CCDC62: variants seen among roughly 807,000 people sequenced by gnomAD.
The protein encoded by CCDC62 is coiled-coil domain-containing protein 62.
A neutral mutation model predicts 80.8 loss-of-function variants in CCDC62; 72 were observed. That is an observed-to-expected ratio of 0.89 (90% CI 0.74 to 1.08). The LOEUF (loss-of-function observed/expected upper bound fraction) is 1.08. Ranked by LOEUF, CCDC62 falls within the 50% of genes least tolerant of loss-of-function variation. The pLI, the probability that CCDC62 is intolerant of heterozygous loss-of-function variation, is 0.00. For missense variants in CCDC62, 704 were observed against 809.4 expected (o/e 0.87, Z 1.58); for synonymous variants, 286 against 296.5 (o/e 0.96, Z 0.36).
At chr12:122,806,047 C>CA in intron 9 of CCDC62, 104 bp from the exon 10 acceptor site, 8 of 1,081,048 alleles carry the variant, frequency 7.4e-6, no homozygotes, top group Non-Finnish European at 1.0e-5. Context: ...GCTTCAATAA[C>CA]AAAAACACTT....
chr12:122,783,227 C>CTT (rs757436171), intron 3 of CCDC62, among the ~76,000 whole-genome samples: 4 of 140,476 alleles, frequency 2.8e-5, no homozygotes, highest in South Asian at 2.3e-4. Context: ...ATCCTTCATT[C>CTT]TTTTTTTTTT....
intron 8 of CCDC62, among the ~76,000 whole-genome samples, chr12:122,798,476 G>A (rs990233902): frequency 6.6e-6 from 1 of 152,096 alleles, no homozygotes; most frequent in Non-Finnish European, 1.5e-5. Flanking sequence ...AGTGGCTCAT[G>A]CCTGTAGTCC....
chr12:122,825,599 G>A (rs1344101263), intron 12 of CCDC62, among the ~76,000 whole-genome samples: 2 of 143,860 alleles, frequency 1.4e-5, no homozygotes, highest in African/African-American at 5.1e-5. Flanking sequence ...TAAGTGATCC[G>A]CCCGCCTCGG....
At chr12:122,789,027 T>A (rs1243957032) in intron 5 of CCDC62, 98 bp downstream of exon 5, 11 of 911,882 alleles carry the variant, frequency 1.2e-5, no homozygotes, top group Non-Finnish European at 1.6e-5. Context: ...AGTAGATCAA[T>A]TCCTGGCCTT....
intron 2 of CCDC62, among the ~76,000 whole-genome samples, chr12:122,778,128 G>A (rs186681723): frequency 1.7e-4 from 26 of 151,880 alleles, no homozygotes; most frequent in Admixed American, 5.9e-4. Flanking sequence ...GCACTTTGGC[G>A]GATCACTTGA....
At chr12:122,781,043 T>C (rs1422906901) in intron 2 of CCDC62, 121 bp from the exon 3 acceptor site, 7 of 717,772 alleles carry the variant, frequency 9.8e-6, no homozygotes, top group Non-Finnish European at 1.6e-5. Context: ...TAAAAGGTTT[T>C]AAAAGAAGAT....
At chr12:122,809,432 G>C (rs2031771487) in intron 10 of CCDC62, among the ~76,000 whole-genome samples, 1 of 152,160 alleles carries the variant, frequency 6.6e-6, no homozygotes, top group Non-Finnish European at 1.5e-5. Context: ...GGAGGCTGCA[G>C]CAAGCTGAGA....
intron 6 of CCDC62, among the ~76,000 whole-genome samples, chr12:122,793,195 G>A (rs545727503): frequency 1.6e-4 from 25 of 152,250 alleles, no homozygotes; most frequent in Admixed American, 3.9e-4. Flanking sequence ...TACTGAAAGC[G>A]AAAAACAGAA....
chr12:122,784,299 G>A (rs764380767), intron 3 of CCDC62, among the ~76,000 whole-genome samples: 2 of 152,164 alleles, frequency 1.3e-5, no homozygotes, highest in Non-Finnish European at 2.9e-5. Flanking sequence ...AAGGCGGGTG[G>A]ATCACGAGGT....
intron 9 of CCDC62, among the ~76,000 whole-genome samples, chr12:122,802,401 A>G (rs960517074): frequency 2.0e-5 from 3 of 147,248 alleles, no homozygotes; most frequent in Non-Finnish European, 3.0e-5. Context: ...ACGAGACCCT[A>G]TCTCTACACT....
In CCDC62 at chr12:122,801,764, C is replaced by A. The variant is rs1303173416; in HGVS notation, c.1618C>A (p.Pro540Thr). 2 of 1,614,156 alleles carry A rather than the reference C, an allele frequency of 1.2e-6. No individual in the cohort carries two copies. Among genetic ancestry groups the A allele is most frequent in the Non-Finnish European group, 1.7e-6 (2 of 1,180,024 alleles). ...CGTGGAGTGGATGAGTATTTTCAAG[C>A]CTTCCAAAATGCAGAGAATTGTCCG... is the stretch of plus-strand genomic sequence containing the variant. ...SDVEWMSIFK[P>T]SKMQRIVRLK... is the part of the protein sequence containing the mutation. The change falls in exon 9 of 13, where the codon CCT (proline) becomes ACT (threonine). Residue 540 changes from proline (P) to threonine (T), a missense_variant. Coordinates refer to ENST00000253079, the MANE Select transcript of CCDC62 (RefSeq NM_201435.5).
chr12:122,826,736 A>G lies in CCDC62; in HGVS notation c.*355A>G, dbSNP rs2032646316. On this transcript the variant is annotated 3_prime_UTR_variant, in exon 13 of 13. Coordinates refer to ENST00000253079, the MANE Select transcript of CCDC62 (RefSeq NM_201435.5). ...GCTAGAGAAGCTCTTTAAAAATGTG[A>G]ATGTCAAATAGAGAAAGAACCCTGC... The G allele has an allele frequency of 3.9e-6, 1 of 255,614 alleles. No individual in the cohort carries two copies. Among genetic ancestry groups the G allele is most frequent in the African/African-American group, 3.9e-5 (1 of 25,948 alleles). 15.8% of individuals were successfully genotyped at this position (255,614 alleles called of 1,614,324 possible).
At chr12:122,798,642 G>A (rs747300652) in intron 8 of CCDC62, among the ~76,000 whole-genome samples, 8 of 151,460 alleles carry the variant, frequency 5.3e-5, no homozygotes, top group South Asian at 2.1e-4. Flanking sequence ...TTAGCTGGGC[G>A]TGTTCGCGGG....
Position 122,801,684 on chromosome 12 carries a change from C to G in CCDC62, c.1538C>G (p.Ser513Cys). The G allele has an allele frequency of 6.2e-7, 1 of 1,614,166 alleles. No individual in the cohort carries two copies. The highest frequency in any genetic ancestry group is 8.5e-7 in the Non-Finnish European group (1 of 1,180,034). The change falls in exon 9 of 13, where the codon TCC (serine) becomes TGC (cysteine). Residue 513 changes from serine (S) to cysteine (C), a missense_variant. Physicochemically the swap from Ser to Cys is moderately radical, Grantham distance 112. Coordinates refer to ENST00000253079, the MANE Select transcript of CCDC62 (RefSeq NM_201435.5). ...CTGGGCGAAAGTGGCATGTGTGACT[C>G]CAAGTGCTGCCACCCGAGTAACTTC... ...ACLGESGMCD[S>C]KCCHPSNFII...
chr12:122,797,253 G>A (rs1348972607), intron 6 of CCDC62, 54 bp from the exon 7 acceptor site: 1 of 835,362 alleles, frequency 1.2e-6, no homozygotes, highest in Non-Finnish European at 2.1e-6. Context: ...GAAATGGAGA[G>A]GTTTGTGTGG....
intron 10 of CCDC62, among the ~76,000 whole-genome samples, chr12:122,806,670 G>A (rs2031623929): frequency 6.6e-6 from 1 of 151,762 alleles, no homozygotes; most frequent in Non-Finnish European, 1.5e-5. Context: ...TGTAGAGACA[G>A]GGTCTCAATT....
intron 2 of CCDC62, among the ~76,000 whole-genome samples, chr12:122,780,944 A>G (rs186017832): frequency 2.3e-4 from 35 of 152,272 alleles, no homozygotes; most frequent in Admixed American, 1.0e-3. Context: ...CGGAAACTGG[A>G]GTGATTATGT....
Position 122,823,346 on chromosome 12 carries a change from A to C in CCDC62, c.2002-20A>C. 6.3e-7 allele frequency: 1 copy of C among 1,594,130 alleles called. No homozygotes were observed. Among genetic ancestry groups the C allele is most frequent in the South Asian group, 1.1e-5 (1 of 90,652 alleles). On this transcript the variant is annotated intron_variant, in intron 11 of 12. Coordinates refer to ENST00000253079, the MANE Select transcript of CCDC62 (RefSeq NM_201435.5). ...TTTAGTTTCTCTATCCTGAATACTAATCTGGGAGTTGTTTTCTAGAAGTCA... is the reference window on the plus strand; with the variant it reads ...TTTAGTTTCTCTATCCTGAATACTACTCTGGGAGTTGTTTTCTAGAAGTCA...
intron 10 of CCDC62, among the ~76,000 whole-genome samples, chr12:122,812,442 C>CA (rs34624972): frequency 1.0e-4 from 13 of 129,940 alleles, no homozygotes; most frequent in African/African-American, 1.7e-4. Flanking sequence ...AACTCCGTCT[C>CA]AAAAAAAAAA....
Sources: allele counts gnomAD v4.1 joint callset (sites outside exome capture counted in the v4.1 genomes callset), GRCh38; gene constraint gnomAD v4.1.1; transcripts MANE v1.5; gene names NCBI Gene and HGNC (gene_info 2026-07-23, HGNC 2026-07-21).